The following DMD variants were observed in gnomAD, a reference collection of about 807,000 sequenced individuals.
DMD encodes the protein mutant dystrophin.
Under a neutral mutation model 330.1 loss-of-function variants are expected in DMD, and 63 were observed. That is an observed-to-expected ratio of 0.19 (90% CI 0.16 to 0.24). DMD has a LOEUF of 0.24. Ranked by LOEUF, DMD falls within the 10% of genes least tolerant of loss-of-function variation. DMD has a pLI of 1.00. For missense variants in DMD, 3,344 were observed against 2,684.1 expected (o/e 1.25, Z -5.43); for synonymous variants, 1,223 against 959.8 (o/e 1.27, Z -5.07).
chrX:32,256,323 T>TA (rs397819204), intron 43 of DMD, among the ~76,000 whole-genome samples: 195 of 105,873 alleles, frequency 1.8e-3, no homozygotes, highest in Middle Eastern at 4.7e-3. Context: ...TTTTTTTTTT[T>TA]ATTTTTTTTA....
intron 2 of DMD, among the ~76,000 whole-genome samples, chrX:32,915,161 A>G (rs773328430): frequency 1.8e-5 from 2 of 112,130 alleles, no homozygotes; most frequent in South Asian, 7.5e-4. Context: ...GGACATGGGA[A>G]GATGGCATGA....
chrX:32,623,917 C>A (rs953087000), intron 11 of DMD, among the ~76,000 whole-genome samples: 11 of 111,772 alleles, frequency 9.8e-5, no homozygotes, highest in African/African-American at 3.6e-4. Flanking sequence ...CCCTGTGTGA[C>A]CCAAGACTGT....
At chrX:33,259,291 G>A (rs1389042236) in intron 1 of DMD, among the ~76,000 whole-genome samples, 3 of 109,858 alleles carry the variant, frequency 2.7e-5, no homozygotes, top group Admixed American at 9.8e-5. Context: ...TACCACAATG[G>A]TATGTTACAA....
At chrX:32,720,197 G>A (rs1443674397) in intron 7 of DMD, among the ~76,000 whole-genome samples, 1 of 110,455 alleles carries the variant, frequency 9.1e-6, no homozygotes, top group Non-Finnish European at 1.9e-5. Context: ...ATTCTTTATT[G>A]TTGTTACCTT....
At chrX:31,917,939 T>TAGAAGAAAACCCACAGAGAC (rs1745653343) in intron 47 of DMD, among the ~76,000 whole-genome samples, 1 of 111,948 alleles carries the variant, frequency 8.9e-6, no homozygotes, top group African/African-American at 3.3e-5. Context: ...ACCAGAGTAC[T>TAGAAGAAAACCCACAGAGAC]AGAAGAAAAC....
chrX:31,898,824 A>C (rs1222418010), intron 47 of DMD, among the ~76,000 whole-genome samples: 1 of 112,344 alleles, frequency 8.9e-6, no homozygotes, highest in East Asian at 2.8e-4. Context: ...CTGATACAGA[A>C]GAATAGCGAA....
intron 1 of DMD, among the ~76,000 whole-genome samples, chrX:33,275,045 T>C (rs928651982): frequency 3.6e-5 from 4 of 111,596 alleles, no homozygotes; most frequent in African/African-American, 1.3e-4. Flanking sequence ...GTTTATGTCT[T>C]TGTCGTGTTG....
chrX:32,424,976 G>A (rs1028476184), intron 29 of DMD, among the ~76,000 whole-genome samples: 7 of 110,933 alleles, frequency 6.3e-5, no homozygotes, highest in Non-Finnish European at 1.1e-4. Flanking sequence ...AAATCCCTTC[G>A]CTTTTGATTT....
intron 11 of DMD, among the ~76,000 whole-genome samples, chrX:32,628,258 ATT>A (rs1170760390): frequency 8.5e-4 from 13 of 15,347 alleles, no homozygotes; most frequent in Non-Finnish European, 1.4e-3. Flanking sequence ...AGTTGTTTTA[ATT>A]TTTTTTTTTT....
intron 1 of DMD, among the ~76,000 whole-genome samples, chrX:33,123,563 C>A (rs760310941): frequency 1.8e-5 from 2 of 109,534 alleles, no homozygotes; most frequent in African/African-American, 3.3e-5. Context: ...ATTTCAGGAA[C>A]CTGCCACCAC....
At chrX:33,041,261 A>C in intron 1 of DMD, 4 of 572,272 alleles carry the variant, frequency 7.0e-6, no homozygotes, top group Non-Finnish European at 1.1e-5. Flanking sequence ...GATTTATTAT[A>C]AAAACTCCTT....
chrX:32,319,748 A>G (rs948373686), intron 41 of DMD, among the ~76,000 whole-genome samples: 1 of 110,954 alleles, frequency 9.0e-6, no homozygotes, highest in Non-Finnish European at 1.9e-5. Context: ...GTAATGACAT[A>G]TAGACGATAT....
chrX:32,680,632 C>G (rs983206983), intron 9 of DMD, among the ~76,000 whole-genome samples: 1 of 112,184 alleles, frequency 8.9e-6, no homozygotes, highest in Non-Finnish European at 1.9e-5. Context: ...TTAAAAGACT[C>G]ATATATTTAA....
intron 2 of DMD, among the ~76,000 whole-genome samples, chrX:32,890,899 A>T (rs1008998658): frequency 8.9e-6 from 1 of 112,102 alleles, no homozygotes; most frequent in African/African-American, 3.2e-5. Flanking sequence ...TTGGGAGAAC[A>T]AGTTTACTTT....
At chrX:33,338,480 TAA>T (rs1555910266) in intron 1 of DMD, among the ~76,000 whole-genome samples, 1 of 109,279 alleles carries the variant, frequency 9.2e-6, no homozygotes, top group African/African-American at 3.3e-5. Context: ...AATAAATAAA[TAA>T]ATAAATAAAT....
chrX:32,813,196 ATGAAT>A (rs1352137039), intron 6 of DMD, among the ~76,000 whole-genome samples: 3 of 112,006 alleles, frequency 2.7e-5, no homozygotes, highest in African/African-American at 9.7e-5. Flanking sequence ...AGCATTAAAA[ATGAAT>A]TGAATTCTTT....
intron 61 of DMD, among the ~76,000 whole-genome samples, chrX:31,338,548 G>A (rs1008207869): frequency 1.1e-4 from 12 of 110,558 alleles, no homozygotes; most frequent in African/African-American, 3.6e-4. Flanking sequence ...GGATCAAGCT[G>A]AAGTGAGTCT....
At chrX:32,252,945 A>AAT (rs2097282443) in intron 43 of DMD, among the ~76,000 whole-genome samples, 1 of 87,364 alleles carries the variant, frequency 1.1e-5, no homozygotes, top group South Asian at 4.8e-4. Flanking sequence ...TATATACATA[A>AAT]ATATATATAA....
chrX:32,938,116 G>A lies in DMD; in HGVS notation c.93+82023C>T, dbSNP rs1187933095. ...ACTCCACCAATGTGTAGCAAAATGC[G>A]AAAACTACTGATCTTTCCACTCTCT... On this transcript the variant is annotated intron_variant, in intron 2 of 78. Transcript: ENST00000357033. Among the ~76,000 whole-genome samples, 63 of 111,199 alleles carry A rather than the reference G, an allele frequency of 5.7e-4. 3 individuals carry two copies. The highest frequency in any genetic ancestry group is 1.1e-4 in the Non-Finnish European group (6 of 53,017).
Sources: allele counts gnomAD v4.1 joint callset (sites outside exome capture counted in the v4.1 genomes callset), GRCh38; gene constraint gnomAD v4.1.1; transcripts MANE v1.5; gene names NCBI Gene and HGNC (gene_info 2026-07-23, HGNC 2026-07-21).